Variants in ZNF469 observed in about 807,000 individuals in gnomAD.
ZNF469 encodes zinc finger protein 469.
A neutral mutation model predicts 1.0 loss-of-function variants in ZNF469; 1 was observed. The ratio of observed to expected loss-of-function variants is 1.00; its 90% CI spans 0.35 to 4.73. ZNF469 has a LOEUF of 4.73. Among genes scored for constraint, ZNF469 ranks in the 30% most tolerant of loss-of-function variants. The pLI is 0.16. For synonymous variants in ZNF469, 2,703 were observed against 2,363.4 expected (o/e 1.14, Z -4.17); for missense variants, 6,100 against 5,356.3 (o/e 1.14, Z -4.33).
At chr16:88,212,367 T>C in the ZNF469 span, among the ~76,000 whole-genome samples, 1 of 152,134 alleles carries the variant, frequency 6.6e-6, no homozygotes, top group Non-Finnish European at 1.5e-5. Flanking sequence ...TCCTTTCTTC[T>C]GTTTCAACCA....
chr16:88,260,866 C>T, the ZNF469 span, among the ~76,000 whole-genome samples: 26 of 152,114 alleles, frequency 1.7e-4, 1 homozygote, highest in Admixed American at 1.3e-3. This position sits in a 1 kb window ranked among gnomAD's most constrained non-coding sequence, Gnocchi z 4.1. Flanking sequence ...CAGGAGGTCC[C>T]GATAAGAGGG....
chr16:88,263,017 G>A, the ZNF469 span, among the ~76,000 whole-genome samples: 3 of 152,306 alleles, frequency 2.0e-5, no homozygotes, highest in Admixed American at 2.0e-4. Flanking sequence ...TGCAGGCGTG[G>A]CCCCCGGGAG....
At chr16:88,157,652 G>A in the ZNF469 span, among the ~76,000 whole-genome samples, 2 of 152,114 alleles carry the variant, frequency 1.3e-5, no homozygotes, top group African/African-American at 4.8e-5. Context: ...GACTCTCTCA[G>A]GAAAGTTTAT....
chr16:88,168,971 G>T, the ZNF469 span, among the ~76,000 whole-genome samples: 1 of 152,116 alleles, frequency 6.6e-6, no homozygotes, highest in Non-Finnish European at 1.5e-5. The surrounding 1 kb of genome is among the most constrained non-coding windows in gnomAD (Gnocchi z 4.3). Flanking sequence ...GCAGGAGGGG[G>T]GCCTCCTCGT....
At chr16:88,166,782 C>CACACAT in the ZNF469 span, among the ~76,000 whole-genome samples, 1 of 151,488 alleles carries the variant, frequency 6.6e-6, no homozygotes, top group Non-Finnish European at 1.5e-5. The surrounding 1 kb of genome is among the most constrained non-coding windows in gnomAD (Gnocchi z 4.5). Flanking sequence ...AACACACACA[C>CACACAT]ACACACACAC....
the ZNF469 span, among the ~76,000 whole-genome samples, chr16:88,191,079 T>TA: frequency 6.6e-6 from 1 of 151,198 alleles, no homozygotes; most frequent in Non-Finnish European, 1.5e-5. Flanking sequence ...TACCCTCCTC[T>TA]GAAGGACAGA....
At position 88,429,603 on chromosome 16, in the gene ZNF469, G is replaced by C. The variant is rs1043251417; in HGVS notation, c.2133G>C (p.Pro711=). The C allele has an allele frequency of 2.3e-5, 35 of 1,548,580 alleles. No homozygotes were observed. The African/African-American group carries it at 4.5e-4, about 20-fold the overall frequency. Residue 711 remains proline, a synonymous_variant, in exon 3 of 3, where the codon CCG becomes CCC. Coordinates refer to ENST00000565624, the MANE Select transcript of ZNF469 (RefSeq NM_001367624.2). ...GLQGFPRAPP[P]YPTHHFSLSS... is the part of the protein sequence containing the mutation. ...AGGGCTTCCCCCGTGCGCCGCCTCC[G>C]TACCCCACACACCACTTCTCCCTCA...
chr16:88,176,867 C>T, the ZNF469 span, among the ~76,000 whole-genome samples: 29 of 152,344 alleles, frequency 1.9e-4, no homozygotes, highest in African/African-American at 4.8e-4. Context: ...AGATGCAGCA[C>T]GGAACACGTA....
At chr16:88,251,156 G>C in the ZNF469 span, among the ~76,000 whole-genome samples, 1 of 152,208 alleles carries the variant, frequency 6.6e-6, no homozygotes, top group Non-Finnish European at 1.5e-5. Flanking sequence ...GGGATTACAG[G>C]CATGAGCCAC....
chr16:88,208,024 T>TC, the ZNF469 span, among the ~76,000 whole-genome samples: 1 of 152,242 alleles, frequency 6.6e-6, no homozygotes, highest in Non-Finnish European at 1.5e-5. Flanking sequence ...TTGTTAAATT[T>TC]CATGACGACT....
chr16:88,370,677 G>A, the ZNF469 span, among the ~76,000 whole-genome samples: 4 of 152,070 alleles, frequency 2.6e-5, no homozygotes, highest in African/African-American at 7.3e-5. Context: ...ACAAATGACC[G>A]CAAACTGGGC....
chr16:88,185,932 A>G, the ZNF469 span, among the ~76,000 whole-genome samples: 1 of 151,694 alleles, frequency 6.6e-6, no homozygotes, highest in Non-Finnish European at 1.5e-5. Context: ...ACTCTCACAC[A>G]TGTGAATATA....
At chr16:88,336,195 A>C in the ZNF469 span, among the ~76,000 whole-genome samples, 1 of 150,308 alleles carries the variant, frequency 6.7e-6, no homozygotes, top group Non-Finnish European at 1.5e-5. Context: ...CCTTCACTTG[A>C]GACACTAACA....
chr16:88,270,079 TTAG>T, the ZNF469 span, among the ~76,000 whole-genome samples: 8 of 152,134 alleles, frequency 5.3e-5, no homozygotes, highest in African/African-American at 1.9e-4. Context: ...CTGGCATTCG[TTAG>T]TAGCTTTTTT....
At chr16:88,164,577 G>A in the ZNF469 span, among the ~76,000 whole-genome samples, 1 of 152,164 alleles carries the variant, frequency 6.6e-6, no homozygotes, top group East Asian at 1.9e-4. Context: ...GTTGATGAGG[G>A]CACTGTTGAT....
chr16:88,352,522 C>T, the ZNF469 span, among the ~76,000 whole-genome samples: 2 of 152,246 alleles, frequency 1.3e-5, no homozygotes, highest in Non-Finnish European at 2.9e-5. Flanking sequence ...AGCACCAGGC[C>T]ACTGGGCTGC....
At chr16:88,328,339 G>A in the ZNF469 span, among the ~76,000 whole-genome samples, 24 of 152,336 alleles carry the variant, frequency 1.6e-4, no homozygotes, top group African/African-American at 4.8e-4. Context: ...ACCATATGAC[G>A]GCTCCCAGCC....
the ZNF469 span, among the ~76,000 whole-genome samples, chr16:88,183,777 G>C: frequency 0.68 from 103,870 of 151,994 alleles, 36,881 homozygotes; most frequent in Non-Finnish European, 0.8. Flanking sequence ...TGTAAAAGCA[G>C]CATGTGAAGT....
Position 88,430,075 on chromosome 16 carries a change from G to A in ZNF469, c.2605G>A (p.Ala869Thr), listed in dbSNP as rs751502450. ...EIDSSFIDVFADEEPSGPRGP... is the reference protein window; with the variant it reads ...EIDSSFIDVFTDEEPSGPRGP... ...CGACAGCAGCTTCATCGACGTCTTC[G>A]CGGACGAGGAGCCTTCCGGCCCCAG... The change falls in exon 3 of 3, where the codon GCG becomes ACG. Residue 869 changes from alanine to threonine, a missense_variant. Ala to Thr is a moderately conservative substitution (Grantham distance 58, BLOSUM62 0). Transcript: ENST00000565624. The A allele has an allele frequency of 1.5e-5, 24 of 1,550,230 alleles. No individual in the cohort carries two copies. The highest frequency in any genetic ancestry group is 5.5e-5 in the African/African-American group (4 of 73,052).
Sources: gnomAD v4.1 joint callset for allele counts (sites outside exome capture counted in the v4.1 genomes callset) on GRCh38, gnomAD v4.1.1 for gene constraint, Gnocchi (gnomAD v3.1) non-coding constraint, MANE v1.5 for transcripts, NCBI Gene and HGNC (gene_info 2026-07-23, HGNC 2026-07-21) for gene names.